METTL15: variants seen among roughly 807,000 people sequenced by gnomAD.
METTL15 encodes methyltransferase 15, mitochondrial 12S rRNA N4-cytidine.
In METTL15, 34 loss-of-function variants were observed where a neutral mutation model predicts 38.3. That is an observed-to-expected ratio of 0.89 (90% CI 0.68 to 1.18). The LOEUF is 1.18. Among genes scored for constraint, METTL15 ranks in the 50% most tolerant of loss-of-function variants. METTL15 has a pLI of 0.00. For synonymous variants in METTL15, 162 were observed against 170.9 expected (o/e 0.95, Z 0.41); for missense variants, 438 against 498.4 (o/e 0.88, Z 1.15).
chr11:28,467,052 C>A (rs994906883), intron 6 of METTL15, among the ~76,000 whole-genome samples: 13 of 152,200 alleles, frequency 8.5e-5, no homozygotes, highest in African/African-American at 3.1e-4. Context: ...TTCTGGCATG[C>A]TGCCTTTCGG....
intron 3 of METTL15, among the ~76,000 whole-genome samples, chr11:28,206,466 T>C (rs974886810): frequency 2.6e-5 from 4 of 152,134 alleles, no homozygotes; most frequent in African/African-American, 9.7e-5. Flanking sequence ...CATTGGTCTA[T>C]ATCTCTGTTT....
intron 3 of METTL15, among the ~76,000 whole-genome samples, chr11:28,118,773 C>T (rs1371371558): frequency 2.0e-5 from 3 of 152,084 alleles, no homozygotes; most frequent in Non-Finnish European, 4.4e-5. Flanking sequence ...ATTAACTTTC[C>T]ATGGTTGTGC....
intron 4 of METTL15, among the ~76,000 whole-genome samples, chr11:28,233,477 T>A (rs1244025396): frequency 2.0e-5 from 3 of 152,066 alleles, no homozygotes; most frequent in African/African-American, 7.2e-5. Context: ...TTTTTTTAAC[T>A]TAAAGGATAA....
intron 3 of METTL15, among the ~76,000 whole-genome samples, chr11:28,347,841 T>G (rs1267573494): frequency 6.6e-6 from 1 of 152,230 alleles, no homozygotes; most frequent in African/African-American, 2.4e-5. Context: ...TCTCCTTTAG[T>G]AAGCCTTTCC....
intron 4 of METTL15, among the ~76,000 whole-genome samples, chr11:28,264,185 T>A (rs376193321): frequency 1.3e-5 from 2 of 152,168 alleles, no homozygotes; most frequent in East Asian, 1.9e-4. Context: ...ATTTCGTTTG[T>A]CTTAATTCTC....
chr11:28,349,529 G>A (rs559026176), intron 3 of METTL15, among the ~76,000 whole-genome samples: 4 of 152,336 alleles, frequency 2.6e-5, no homozygotes, highest in East Asian at 1.9e-4. Flanking sequence ...GAGAAAGCAA[G>A]TATCAGGTTT....
intron 3 of METTL15, among the ~76,000 whole-genome samples, chr11:28,200,523 G>C (rs568625389): frequency 1.3e-5 from 2 of 152,210 alleles, no homozygotes; most frequent in African/African-American, 4.8e-5. Flanking sequence ...CTACTTAACT[G>C]GGTGCTTTAC....
At chr11:28,520,910 A>AAAAAAG (rs1851759576) in intron 6 of METTL15, among the ~76,000 whole-genome samples, 1 of 152,222 alleles carries the variant, frequency 6.6e-6, no homozygotes, top group African/African-American at 2.4e-5. Flanking sequence ...CTGGATTCTA[A>AAAAAAG]CTTATGAAAA....
chr11:28,326,195 C>G (rs1849628877), intron 6 of METTL15, among the ~76,000 whole-genome samples: 1 of 152,046 alleles, frequency 6.6e-6, no homozygotes. Context: ...GTGAGCTCCT[C>G]AAGGGCGGGG....
At chr11:28,320,427 G>T (rs1276752432) in intron 6 of METTL15, among the ~76,000 whole-genome samples, 1 of 151,954 alleles carries the variant, frequency 6.6e-6, no homozygotes, top group Non-Finnish European at 1.5e-5. Context: ...GGGTGTGGTG[G>T]TGCTCACCTA....
chr11:28,188,250 T>C (rs1851575897), intron 3 of METTL15, among the ~76,000 whole-genome samples: 1 of 151,396 alleles, frequency 6.6e-6, no homozygotes, highest in South Asian at 2.1e-4. Flanking sequence ...ACATATATTA[T>C]TTGAAAAAAA....
intron 6 of METTL15, among the ~76,000 whole-genome samples, chr11:28,314,872 C>G (rs868483172): frequency 6.6e-6 from 1 of 152,172 alleles, no homozygotes; most frequent in Admixed American, 6.5e-5. Flanking sequence ...AGATGCCCTG[C>G]ACAAGCTCTC....
chr11:28,311,637 T>C (rs1246926278), intron 6 of METTL15, among the ~76,000 whole-genome samples: 2 of 152,260 alleles, frequency 1.3e-5, no homozygotes, highest in Non-Finnish European at 1.5e-5. Context: ...GACTCTGTAA[T>C]TTACTAGCTT....
At chr11:28,503,257 G>A (rs989964249) in intron 6 of METTL15, among the ~76,000 whole-genome samples, 1 of 152,200 alleles carries the variant, frequency 6.6e-6, no homozygotes, top group Non-Finnish European at 1.5e-5. Context: ...CCTGACCCTT[G>A]TGGGGTGTAA....
chr11:28,430,882 G>A (rs1239350765), intron 6 of METTL15, among the ~76,000 whole-genome samples: 5 of 110,650 alleles, frequency 4.5e-5, no homozygotes, highest in South Asian at 3.3e-4. Flanking sequence ...CCGGCCAGCC[G>A]CCCCGTCCGG....
At chr11:28,213,032 T>C (rs1420666881) in intron 4 of METTL15, among the ~76,000 whole-genome samples, 1 of 152,176 alleles carries the variant, frequency 6.6e-6, no homozygotes, top group Non-Finnish European at 1.5e-5. Context: ...ATTAGCCAGA[T>C]AGATGAAGTG....
chr11:28,449,923 A>G (rs188760471), intron 6 of METTL15, among the ~76,000 whole-genome samples: 1 of 152,264 alleles, frequency 6.6e-6, no homozygotes, highest in African/African-American at 2.4e-5. Flanking sequence ...AGTCCCATTT[A>G]CCCCAGCTGA....
chr11:28,109,813 G>T (rs1851641297), intron 1 of METTL15, among the ~76,000 whole-genome samples: 1 of 152,162 alleles, frequency 6.6e-6, no homozygotes, highest in Non-Finnish European at 1.5e-5. Flanking sequence ...TGTTACACTT[G>T]CCATTTAACA....
chr11:28,298,503 G>T (rs113123447), intron 6 of METTL15, among the ~76,000 whole-genome samples: 96 of 152,158 alleles, frequency 6.3e-4, no homozygotes, highest in African/African-American at 2.3e-3. Flanking sequence ...TGAATTTAAG[G>T]CATAATTGGG....
Sources: allele counts gnomAD v4.1 joint callset (sites outside exome capture counted in the v4.1 genomes callset), GRCh38; gene constraint gnomAD v4.1.1; transcripts MANE v1.5; gene names NCBI Gene and HGNC (gene_info 2026-07-23, HGNC 2026-07-21).